Variants in GFPT2 observed in about 807,000 individuals in gnomAD.
GFPT2 encodes glutamine--fructose-6-phosphate transaminase 2.
In GFPT2, 62 loss-of-function variants were observed where a neutral mutation model predicts 85.6. That is an observed-to-expected ratio of 0.72 (90% CI 0.59 to 0.90). The LOEUF (loss-of-function observed/expected upper bound fraction) is 0.90, where lower values mean the gene tolerates loss of function less well. GFPT2 is among the 40% of genes least tolerant of loss of function. The pLI is 0.00. For synonymous variants in GFPT2, 368 were observed against 344.5 expected (o/e 1.07, Z -0.75); for missense variants, 788 against 893.4 (o/e 0.88, Z 1.50).
At position 180,328,804 on chromosome 5, in the gene GFPT2, G is replaced by A. The variant is rs961079081; in HGVS notation, c.535-466C>T. On this transcript the variant is annotated intron_variant, in intron 6 of 18. Transcript: ENST00000253778. This position sits in a 1 kb window ranked among gnomAD's most constrained non-coding sequence, Gnocchi z 5.4. ...CTCCCTTTAGCCTTCTTGGCGCCTC[G>A]TTCTCCTCATCGGTGAAGGAAGTGA... is the stretch of plus-strand genomic sequence containing the variant. Among the ~76,000 whole-genome samples, 6 of 152,186 alleles carry A rather than the reference G, an allele frequency of 3.9e-5. No homozygotes were observed. The highest frequency in any genetic ancestry group is 1.2e-4 in the African/African-American group (5 of 41,450).
intron 1 of GFPT2, among the ~76,000 whole-genome samples, chr5:180,351,440 C>T (rs1736087634): frequency 6.6e-6 from 1 of 152,150 alleles, no homozygotes; most frequent in African/African-American, 2.4e-5. Context: ...CCCCCAGCCC[C>T]AAATCAGCAA....
chr5:180,310,630 C>T (rs145433513), intron 15 of GFPT2, among the ~76,000 whole-genome samples: 17,089 of 151,594 alleles, frequency 0.11, 1,195 homozygotes, highest in African/African-American at 0.19. Flanking sequence ...AGGATGGTCT[C>T]GAACTCCTGA....
chr5:180,333,555 T>C (rs1052180693), intron 4 of GFPT2, among the ~76,000 whole-genome samples: 1 of 152,224 alleles, frequency 6.6e-6, no homozygotes, highest in Non-Finnish European at 1.5e-5. Flanking sequence ...TTCTTTACAT[T>C]ATTCTCTTAA....
Position 180,353,284 on chromosome 5 carries a change from C to T in GFPT2, c.-67G>A, listed in dbSNP as rs1764754322. On this transcript the variant is annotated 5_prime_UTR_variant, in exon 1 of 19. Transcript: ENST00000253778. ...GCCCGTTCGGACGCTGGGGCTCCTCCGTGGGCTCCTCCGTGGGCTCCGTGG... is the reference window on the plus strand; with the variant it reads ...GCCCGTTCGGACGCTGGGGCTCCTCTGTGGGCTCCTCCGTGGGCTCCGTGG... The T allele has an allele frequency of 3.3e-6, 4 of 1,197,358 alleles. No homozygotes were observed. Among genetic ancestry groups the T allele is most frequent in the South Asian group, 8.5e-5 (2 of 23,632 alleles). The allele number at this position is 1,197,358 out of a possible 1,614,324, so 74.2% of individuals were successfully genotyped here.
Position 180,328,324 on chromosome 5 carries a change from C to T in GFPT2, c.549G>A (p.Ala183=), listed in dbSNP as rs1264303863. 8 of 1,612,954 alleles carry T rather than the reference C, an allele frequency of 5.0e-6. No homozygotes were observed. The highest frequency in any genetic ancestry group is 2.2e-5 in the East Asian group (1 of 44,890). Residue 183 remains alanine, a synonymous_variant, in exon 7 of 19, where the codon GCG becomes GCA. Transcript: ENST00000253778. The surrounding 1 kb of genome is among the most constrained non-coding windows in gnomAD (Gnocchi z 5.4). ...GGTAGTGGACACTCTTGAAAACCAG[C>T]GCGAATGCACCTTCCTGAAAACACA... ...RVIQQLEGAF[A]LVFKSVHYPG... is the part of the protein sequence containing the mutation.
At chr5:180,314,070 A>G in intron 13 of GFPT2, 106 bp from the exon 14 acceptor site, 2 of 1,144,516 alleles carry the variant, frequency 1.7e-6, no homozygotes, top group South Asian at 1.6e-5. Context: ...GGCGCCCGAG[A>G]CACAGCCAGC....
At chr5:180,306,685 ACT>A in intron 16 of GFPT2, among the ~76,000 whole-genome samples, 1 of 152,180 alleles carries the variant, frequency 6.6e-6, no homozygotes, top group Middle Eastern at 3.4e-3. Flanking sequence ...TAACAAGGAA[ACT>A]CTGCGGAGAA....
Position 180,303,205 on chromosome 5 carries a change from G to A in GFPT2, c.1843-621C>T, listed in dbSNP as rs796969341. On this transcript the variant is annotated intron_variant, in intron 17 of 18. Coordinates refer to ENST00000253778, the MANE Select transcript of GFPT2 (RefSeq NM_005110.4). ...AGATGGCGCCACTGCACTCCAGCCT[G>A]GGCGACAGAGCCAGACTCCGTCACA... 1.9e-4 allele frequency among the ~76,000 whole-genome samples: 28 copies of A among 149,428 alleles called. 1 individual carries two copies. Among genetic ancestry groups the A allele is most frequent in the African/African-American group, 7.0e-4 (28 of 40,284 alleles).
intron 16 of GFPT2, 120 bp downstream of exon 16, chr5:180,307,056 C>G: frequency 1.3e-6 from 1 of 768,692 alleles, no homozygotes; most frequent in South Asian, 1.7e-5. Flanking sequence ...ACAGGACTGG[C>G]CAAGGGGTCC....
intron 17 of GFPT2, 30 bp from the exon 18 acceptor site, chr5:180,302,614 G>T: frequency 1.3e-6 from 2 of 1,577,698 alleles, no homozygotes; most frequent in South Asian, 1.1e-5. Flanking sequence ...TCATAAAATA[G>T]ACCCTCTCTG....
chr5:180,324,119 C>A (rs748018599), intron 9 of GFPT2, 69 bp downstream of exon 9: 58 of 864,660 alleles, frequency 6.7e-5, no homozygotes, highest in Admixed American at 6.1e-5. Context: ...GAATAAGAAC[C>A]GGCAGTGTTT....
chr5:180,345,368 C>CG (rs936373389), intron 1 of GFPT2, among the ~76,000 whole-genome samples: 2 of 152,218 alleles, frequency 1.3e-5, no homozygotes, highest in Admixed American at 6.5e-5. Flanking sequence ...ATGGACCCAT[C>CG]GGGGGGCCTC....
intron 2 of GFPT2, among the ~76,000 whole-genome samples, chr5:180,337,600 A>C (rs1485147981): frequency 6.6e-6 from 1 of 152,170 alleles, no homozygotes; most frequent in Non-Finnish European, 1.5e-5. Context: ...GACCACCCCC[A>C]CAGACAACAG....
chr5:180,313,162 A>T (rs1363382326), intron 14 of GFPT2, among the ~76,000 whole-genome samples: 2 of 152,036 alleles, frequency 1.3e-5, no homozygotes, highest in Non-Finnish European at 2.9e-5. Flanking sequence ...AGCCTCCCAC[A>T]GTGCTGGGAT....
At chr5:180,324,048 A>T in intron 9 of GFPT2, 140 bp downstream of exon 9, 1 of 675,942 alleles carries the variant, frequency 1.5e-6, no homozygotes, top group Non-Finnish European at 2.7e-6. Context: ...AGGCCCAGGG[A>T]TGGCTGAACT....
intron 1 of GFPT2, among the ~76,000 whole-genome samples, chr5:180,343,950 C>T (rs1226382211): frequency 6.6e-6 from 1 of 152,196 alleles, no homozygotes; most frequent in African/African-American, 2.4e-5. Flanking sequence ...AAGAAGGTAT[C>T]CAGCGGACTT....
intron 13 of GFPT2, 64 bp downstream of exon 13, chr5:180,316,277 G>A (rs1764007415): frequency 6.4e-7 from 1 of 1,556,530 alleles, no homozygotes; most frequent in Non-Finnish European, 8.8e-7. Context: ...CTGAATGAAG[G>A]AGAAGAGGAG....
chr5:180,347,264 C>A (rs549962492), intron 1 of GFPT2, among the ~76,000 whole-genome samples: 17 of 152,332 alleles, frequency 1.1e-4, no homozygotes, highest in Admixed American at 2.6e-4. Context: ...GCAACCTCTG[C>A]AAAGATGGCC....
At position 180,316,956 on chromosome 5, in the gene GFPT2, G is replaced by A. The variant is rs1242089545; in HGVS notation, c.1054+7C>T. ...GGCGGAGGCTCCCCACCGAGTGTAG[G>A]AATTACCTGTGTTGGTTTCAAAATT... On this transcript the variant is annotated splice_region_variant and intron_variant, in intron 11 of 18. Transcript: ENST00000253778. 1 of 1,586,972 alleles carries A rather than the reference G, an allele frequency of 6.3e-7. No homozygotes were observed. Among genetic ancestry groups the A allele is most frequent in the Non-Finnish European group, 8.7e-7 (1 of 1,155,338 alleles).
Sources: allele counts gnomAD v4.1 joint callset (sites outside exome capture counted in the v4.1 genomes callset), GRCh38; gene constraint gnomAD v4.1.1; non-coding constraint Gnocchi (gnomAD v3.1); transcripts MANE v1.5; gene names NCBI Gene and HGNC (gene_info 2026-07-23, HGNC 2026-07-21).